Variants in MICU3 observed in about 807,000 individuals in gnomAD.
MICU3 encodes the protein calcium uptake protein 3, mitochondrial.
MICU3 carries 62 observed loss-of-function variants against 66.5 expected under a neutral mutation model. The observed-to-expected ratio is 0.93, with a 90% CI of 0.76 to 1.15. MICU3 has a LOEUF of 1.15. Among genes scored for constraint, MICU3 ranks in the 50% most tolerant of loss-of-function variants. The pLI, the probability that MICU3 is intolerant of heterozygous loss-of-function variation, is 0.00. For missense variants in MICU3, 779 were observed against 664.4 expected, an observed-to-expected ratio of 1.17 and a Z score of -1.90; for synonymous variants, 308 against 240.7, an observed-to-expected ratio of 1.28 and a Z score of -2.59.
chr8:17,027,818 C>T (rs1042766072), intron 1 of MICU3, among the ~76,000 whole-genome samples, 158 bp downstream of exon 1: 1 of 152,206 alleles, frequency 6.6e-6, no homozygotes, highest in Non-Finnish European at 1.5e-5. Context: ...AGCCTAGGAT[C>T]CGGTCACCCA....
chr8:17,074,542 CT>C (rs2150692062), intron 3 of MICU3, among the ~76,000 whole-genome samples: 1 of 150,606 alleles, frequency 6.6e-6, no homozygotes, highest in East Asian at 2.0e-4. Context: ...AACAAAAATA[CT>C]ATAGAAATAT....
intron 1 of MICU3, among the ~76,000 whole-genome samples, chr8:17,056,333 C>T (rs1816925500): frequency 6.6e-6 from 1 of 152,120 alleles, no homozygotes; most frequent in Non-Finnish European, 1.5e-5. Flanking sequence ...TAGTCTGGGT[C>T]TTGAAGTTGG....
chr8:17,027,780 G>T (rs913783344), intron 1 of MICU3, 120 bp downstream of exon 1: 122 of 1,188,996 alleles, frequency 1.0e-4, no homozygotes, highest in Middle Eastern at 3.2e-4. Context: ...GGAACTTCCC[G>T]TGAGCGAGGC....
At chr8:17,135,378 G>A in the MICU3 span, among the ~76,000 whole-genome samples, 50 of 150,662 alleles carry the variant, frequency 3.3e-4, no homozygotes, top group Admixed American at 3.3e-3. Flanking sequence ...AGCCTGGGCA[G>A]CAGAGCAAGA....
chr8:17,027,695 G>A, intron 1 of MICU3, 35 bp downstream of exon 1: 2 of 1,264,104 alleles, frequency 1.6e-6, no homozygotes, highest in African/African-American at 1.5e-5. Flanking sequence ...CCTGCGCGGG[G>A]GATGTGACCT....
chr8:17,069,542 A>G, intron 2 of MICU3, 146 bp from the exon 3 acceptor site: 1 of 406,266 alleles, frequency 2.5e-6, no homozygotes, highest in Non-Finnish European at 4.6e-6. Context: ...ATCATATCAC[A>G]GATCCAAATT....
At chr8:17,027,984 G>A (rs1443202366) in intron 1 of MICU3, among the ~76,000 whole-genome samples, 1 of 152,164 alleles carries the variant, frequency 6.6e-6, no homozygotes, top group Non-Finnish European at 1.5e-5. Flanking sequence ...AAAGTGGACC[G>A]CTGTAGGTGT....
At chr8:17,117,204 C>T (rs764167360) in intron 13 of MICU3, among the ~76,000 whole-genome samples, 1 of 152,084 alleles carries the variant, frequency 6.6e-6, no homozygotes, top group African/African-American at 2.4e-5. Context: ...CGTTGAACTC[C>T]TGGGCTCAAG....
intron 11 of MICU3, among the ~76,000 whole-genome samples, chr8:17,113,144 G>A (rs1802357914): frequency 6.6e-6 from 1 of 152,196 alleles, no homozygotes; most frequent in Admixed American, 6.5e-5. Context: ...CTAATCAGTA[G>A]CTGGCTTATA....
chr8:17,077,502 T>C (rs565027049), intron 3 of MICU3, among the ~76,000 whole-genome samples: 1 of 152,334 alleles, frequency 6.6e-6, no homozygotes, highest in African/African-American at 2.4e-5. Context: ...TTATCTTGAT[T>C]TGGTTGTCTT....
At chr8:17,035,320 T>C (rs541610180) in intron 1 of MICU3, among the ~76,000 whole-genome samples, 51 of 152,290 alleles carry the variant, frequency 3.3e-4, no homozygotes, top group Middle Eastern at 3.4e-3. Flanking sequence ...ACCAAAAATG[T>C]GGAAGTGACT....
intron 7 of MICU3, 39 bp from the exon 8 acceptor site, chr8:17,090,507 A>C: frequency 6.3e-7 from 1 of 1,588,324 alleles, no homozygotes; most frequent in Middle Eastern, 1.7e-4. Context: ...TTCATTCTGA[A>C]ATATGACACT....
At chr8:17,042,497 C>A (rs1814320028) in intron 1 of MICU3, among the ~76,000 whole-genome samples, 2 of 152,254 alleles carry the variant, frequency 1.3e-5, no homozygotes, top group South Asian at 4.1e-4. Flanking sequence ...TTATTTTCTT[C>A]CCTTTCCTCT....
At chr8:17,044,204 G>C (rs1438721289) in intron 1 of MICU3, among the ~76,000 whole-genome samples, 1 of 152,176 alleles carries the variant, frequency 6.6e-6, no homozygotes. Context: ...GTCAAAATGG[G>C]AAGGATATGA....
chr8:17,043,443 G>A lies in MICU3; in HGVS notation c.381+15783G>A, dbSNP rs560163136. ...GTCCATATACATACATTGTCCCCAGGATATTGAGAAAGGTTTTGAGATATT... is the reference window on the plus strand; with the variant it reads ...GTCCATATACATACATTGTCCCCAGAATATTGAGAAAGGTTTTGAGATATT... On this transcript the variant is annotated intron_variant, in intron 1 of 14. Transcript: ENST00000318063. 5.3e-5 allele frequency among the ~76,000 whole-genome samples: 8 copies of A among 152,218 alleles called. No individual in the cohort carries two copies. The South Asian group carries it at 1.4e-3, about 28-fold the overall frequency.
chr8:17,096,829 A>G (rs181558205), intron 8 of MICU3, among the ~76,000 whole-genome samples: 373 of 152,018 alleles, frequency 2.5e-3, no homozygotes, highest in African/African-American at 8.6e-3. Context: ...TGGCAAAGCA[A>G]GAAGAAAATT....
the MICU3 span, chr8:17,131,888 A>G: frequency 3.9e-5 from 6 of 152,330 alleles, no homozygotes; most frequent in African/African-American, 1.4e-4. Flanking sequence ...AAATATGGTG[A>G]ATTTGGAGCT....
downstream of MICU3, among the ~76,000 whole-genome samples, chr8:17,125,772 C>T (rs1440611313): frequency 6.6e-6 from 1 of 152,092 alleles, no homozygotes; most frequent in Non-Finnish European, 1.5e-5. Flanking sequence ...ATCGCTCACA[C>T]CTGTAATCCC....
intron 1 of MICU3, among the ~76,000 whole-genome samples, chr8:17,033,095 T>A (rs976804724): frequency 6.6e-6 from 1 of 152,176 alleles, no homozygotes; most frequent in Non-Finnish European, 1.5e-5. Context: ...ATTAGGTCAG[T>A]TACTAATCCT....
Sources: allele counts gnomAD v4.1 joint callset (sites outside exome capture counted in the v4.1 genomes callset), GRCh38; gene constraint gnomAD v4.1.1; transcripts MANE v1.5; gene names NCBI Gene and HGNC (gene_info 2026-07-23, HGNC 2026-07-21).